The following ERC2 variants were observed in gnomAD, a reference collection of about 807,000 sequenced individuals.
ERC2 encodes ERC protein 2.
In ERC2, 42 loss-of-function variants were observed where a neutral mutation model predicts 114.8. The observed-to-expected ratio is 0.37, with a 90% CI of 0.29 to 0.47. The LOEUF (loss-of-function observed/expected upper bound fraction) is 0.47. Among genes scored for constraint, ERC2 ranks in the 20% least tolerant of loss-of-function variants. ERC2 has a pLI of 0.99. For missense variants in ERC2, 939 were observed against 1,150.7 expected (o/e 0.82, Z 2.66); for synonymous variants, 454 against 425.5 (o/e 1.07, Z -0.82).
intron 15 of ERC2, among the ~76,000 whole-genome samples, chr3:55,719,400 T>G (rs143442363): frequency 6.6e-6 from 1 of 152,306 alleles, no homozygotes; most frequent in African/African-American, 2.4e-5. Context: ...AAGAACATTG[T>G]TCTAGAAGCA....
At chr3:56,172,803 G>A (rs899625198) in intron 4 of ERC2, among the ~76,000 whole-genome samples, 1 of 152,136 alleles carries the variant, frequency 6.6e-6, no homozygotes, top group African/African-American at 2.4e-5. Flanking sequence ...CATGGATCAT[G>A]GCTTGGTCAT....
chr3:55,664,541 T>A (rs1036301874), intron 17 of ERC2, among the ~76,000 whole-genome samples: 2 of 152,190 alleles, frequency 1.3e-5, no homozygotes, highest in African/African-American at 4.8e-5. Context: ...CGGTGTTAAT[T>A]GCTTGCTGGG....
chr3:56,124,832 G>A (rs2079784932), intron 6 of ERC2, among the ~76,000 whole-genome samples: 1 of 152,140 alleles, frequency 6.6e-6, no homozygotes, highest in African/African-American at 2.4e-5. Context: ...AGTGGGAAAT[G>A]AGCTCATCAG....
chr3:56,235,958 T>C (rs550630891), intron 3 of ERC2, among the ~76,000 whole-genome samples: 3 of 152,262 alleles, frequency 2.0e-5, no homozygotes, highest in South Asian at 2.1e-4. Flanking sequence ...TAAATAACAA[T>C]ATAAAATTAT....
intron 12 of ERC2, among the ~76,000 whole-genome samples, chr3:55,961,522 T>C (rs1275009946): frequency 6.6e-6 from 1 of 152,164 alleles, no homozygotes; most frequent in Non-Finnish European, 1.5e-5. Flanking sequence ...GCACCCTCTG[T>C]ACAGTGATCA....
intron 6 of ERC2, among the ~76,000 whole-genome samples, chr3:56,101,710 C>T (rs1426259266): frequency 1.3e-5 from 2 of 152,132 alleles, no homozygotes; most frequent in East Asian, 1.9e-4. Context: ...AATCCAGGTC[C>T]GGAGTAGCCA....
At chr3:55,588,536 A>C (rs1021127534) in intron 17 of ERC2, among the ~76,000 whole-genome samples, 3 of 152,188 alleles carry the variant, frequency 2.0e-5, no homozygotes, top group South Asian at 2.1e-4. Flanking sequence ...GGCCTGATGA[A>C]TCAATTCCAG....
At chr3:56,010,801 T>C (rs139124194) in intron 8 of ERC2, among the ~76,000 whole-genome samples, 1 of 152,246 alleles carries the variant, frequency 6.6e-6, no homozygotes, top group South Asian at 2.1e-4. Context: ...TTAATAAAAG[T>C]TAATATCACA....
chr3:55,814,568 G>T (rs535822624), intron 14 of ERC2, among the ~76,000 whole-genome samples: 1 of 152,292 alleles, frequency 6.6e-6, no homozygotes, highest in East Asian at 1.9e-4. Context: ...CATAGCTCAG[G>T]CATGAAATAA....
intron 14 of ERC2, among the ~76,000 whole-genome samples, chr3:55,784,239 TC>T (rs1442695966): frequency 1.3e-5 from 2 of 152,162 alleles, no homozygotes; most frequent in African/African-American, 4.8e-5. Flanking sequence ...GATTTTTTTT[TC>T]CCCTATACCT....
At chr3:55,515,709 C>T (rs1353603422) in intron 17 of ERC2, among the ~76,000 whole-genome samples, 2 of 139,768 alleles carry the variant, frequency 1.4e-5, no homozygotes, top group East Asian at 2.3e-4. Context: ...GTGTGAGGGG[C>T]GGGGTGGGTG....
intron 7 of ERC2, among the ~76,000 whole-genome samples, chr3:56,048,152 A>G (rs1576702891): frequency 6.6e-6 from 1 of 152,236 alleles, no homozygotes; most frequent in East Asian, 1.9e-4. Context: ...GTTGGTCTAA[A>G]TATTAAACCG....
At position 55,985,582 on chromosome 3, in the gene ERC2, A is replaced by T. The variant is rs151215510; in HGVS notation, c.2267+395T>A. Among the ~76,000 whole-genome samples the T allele has an allele frequency of 2.6e-5, 4 of 152,302 alleles. No homozygotes were observed. In the East Asian group the frequency reaches 7.7e-4, roughly 29 times the overall value. On this transcript the variant is annotated intron_variant, in intron 12 of 17. Coordinates refer to ENST00000288221, the MANE Select transcript of ERC2 (RefSeq NM_015576.3). Reference sequence around the variant, plus strand: ...AATTTAGCTTTTAAGTTGCTGTGTCATGGGCAGATATTTTGTTCTCCTAGG... The same window carrying T: ...AATTTAGCTTTTAAGTTGCTGTGTCTTGGGCAGATATTTTGTTCTCCTAGG...
chr3:56,132,067 A>C (rs2080236756), intron 6 of ERC2, among the ~76,000 whole-genome samples: 2 of 152,210 alleles, frequency 1.3e-5, no homozygotes, highest in Non-Finnish European at 2.9e-5. Flanking sequence ...TTTTGCTCCA[A>C]ATGGGTCAGT....
intron 12 of ERC2, among the ~76,000 whole-genome samples, chr3:55,980,021 AAC>A (rs571437761): frequency 1.8e-3 from 272 of 148,786 alleles, no homozygotes; most frequent in Non-Finnish European, 3.1e-3. Context: ...CCCATCCCCA[AAC>A]ACAGTCTACA....
chr3:56,247,130 T>C (rs961060654), intron 3 of ERC2, among the ~76,000 whole-genome samples: 12 of 152,198 alleles, frequency 7.9e-5, no homozygotes, highest in African/African-American at 2.9e-4. Context: ...TTCCAAAATT[T>C]CAAATCCCAT....
intron 14 of ERC2, among the ~76,000 whole-genome samples, chr3:55,746,492 T>A (rs1365542991): frequency 6.6e-6 from 1 of 152,122 alleles, no homozygotes; most frequent in East Asian, 1.9e-4. Context: ...CCTCAGGTGA[T>A]CGGCCTCCCA....
chr3:55,817,805 CAAT>C (rs1397527317), intron 14 of ERC2, among the ~76,000 whole-genome samples: 1 of 152,208 alleles, frequency 6.6e-6, no homozygotes, highest in Non-Finnish European at 1.5e-5. Flanking sequence ...GAGCTCTGAA[CAAT>C]ATCTGGAACA....
intron 7 of ERC2, among the ~76,000 whole-genome samples, chr3:56,069,230 G>A (rs190638481): frequency 2.6e-5 from 4 of 152,266 alleles, no homozygotes; most frequent in East Asian, 1.9e-4. Context: ...AGTTCCTAGC[G>A]GTGCCACTTT....
Sources: allele counts gnomAD v4.1 joint callset (sites outside exome capture counted in the v4.1 genomes callset), GRCh38; gene constraint gnomAD v4.1.1; transcripts MANE v1.5; gene names NCBI Gene and HGNC (gene_info 2026-07-23, HGNC 2026-07-21).